STS: variants seen among roughly 807,000 people sequenced by gnomAD.
The protein encoded by STS is steroid sulfatase.
In STS, 7 loss-of-function variants were observed where a neutral mutation model predicts 26.8. That is an observed-to-expected ratio of 0.26 (90% CI 0.15 to 0.49). STS has a LOEUF of 0.49. Ranked by LOEUF, STS falls within the 20% of genes least tolerant of loss-of-function variation. STS has a pLI of 0.98. For missense variants in STS, 434 were observed against 465.6 expected (o/e 0.93, Z 0.63); for synonymous variants, 199 against 189.4 (o/e 1.05, Z -0.42).
intron 7 of STS, among the ~76,000 whole-genome samples, chrX:7,301,499 A>G (rs1457595647): frequency 9.0e-6 from 1 of 111,705 alleles, no homozygotes; most frequent in Middle Eastern, 4.7e-3. Flanking sequence ...TAGTTTCCTT[A>G]TTATATATAT....
chrX:7,268,975 C>A (rs1284997868), intron 6 of STS, among the ~76,000 whole-genome samples: 2 of 108,435 alleles, frequency 1.8e-5, no homozygotes, highest in Non-Finnish European at 3.8e-5. Flanking sequence ...ATAGTGAGAC[C>A]CTGTCTCTAC....
At chrX:7,281,876 A>G (rs5934907) in intron 7 of STS, among the ~76,000 whole-genome samples, 39,323 of 111,337 alleles carry the variant, frequency 0.35, 5,128 homozygotes, top group East Asian at 0.4. Context: ...ACCCCTCTGT[A>G]TATAGGTTCA....
chrX:7,186,709 A>G lies in STS; in HGVS notation c.-133-4171A>G, dbSNP rs1055148323. ...AGTTTCTCTAGGATTATAGCTTAGT[A>G]GCAAGGTGGGCTATTTGATCAGCAA... On this transcript the variant is annotated intron_variant, in intron 1 of 10. Transcript: ENST00000674429. 3.0e-4 allele frequency among the ~76,000 whole-genome samples: 34 copies of G among 112,465 alleles called. 1 individual carries two copies. Among genetic ancestry groups the G allele is most frequent in the Non-Finnish European group, 4.7e-4 (25 of 53,314 alleles).
At chrX:7,154,445 C>T (rs1469588705) in intron 1 of STS, among the ~76,000 whole-genome samples, 2 of 112,385 alleles carry the variant, frequency 1.8e-5, no homozygotes, top group African/African-American at 6.5e-5. Flanking sequence ...GTTGTAATAG[C>T]CACCAGCCCT....
intron 2 of STS, among the ~76,000 whole-genome samples, chrX:7,236,490 C>G (rs1206952225): frequency 4.5e-5 from 5 of 112,196 alleles, no homozygotes; most frequent in Non-Finnish European, 9.4e-5. Context: ...AAAGGTCGTT[C>G]TGTTTTGGGC....
intron 7 of STS, among the ~76,000 whole-genome samples, chrX:7,280,737 C>G (rs1265510752): frequency 8.9e-6 from 1 of 112,333 alleles, no homozygotes; most frequent in African/African-American, 3.2e-5. Context: ...ATGCAATCAG[C>G]ATTCACTCAG....
intron 1 of STS, among the ~76,000 whole-genome samples, chrX:7,167,854 A>G (rs1245752535): frequency 9.6e-6 from 1 of 104,119 alleles, no homozygotes; most frequent in Non-Finnish European, 2.0e-5. Flanking sequence ...TGCCTGGCTA[A>G]TTTTTTTTTT....
Position 7,350,332 on chromosome X carries a change from G to T in STS, c.*71G>T. The T allele has an allele frequency of 1.8e-6, 2 of 1,132,720 alleles. No individual in the cohort carries two copies. Among genetic ancestry groups the T allele is most frequent in the East Asian group, 3.2e-5 (1 of 31,208 alleles). 93.3% of individuals were successfully genotyped at this position (1,132,720 alleles called of 1,213,427 possible). On this transcript the variant is annotated 3_prime_UTR_variant, in exon 11 of 11. Coordinates refer to ENST00000674429, the MANE Select transcript of STS (RefSeq NM_001320752.2). ...TTCACTACAAACACGCCTGAGAGTG[G>T]CACTGGGGAAACATAACTCCATCTA...
At chrX:7,337,950 C>T (rs1308853059) in intron 10 of STS, among the ~76,000 whole-genome samples, 6 of 111,829 alleles carry the variant, frequency 5.4e-5, no homozygotes, top group Non-Finnish European at 1.1e-4. Flanking sequence ...ATTTCATTTC[C>T]ACCCTTTTAA....
At chrX:7,337,273 C>T (rs1250414915) in intron 10 of STS, among the ~76,000 whole-genome samples, 1 of 112,149 alleles carries the variant, frequency 8.9e-6, no homozygotes, top group Admixed American at 9.5e-5. Flanking sequence ...AACATATCGT[C>T]TTAGCGCTGG....
chrX:7,231,345 C>A (rs768648902), intron 2 of STS, among the ~76,000 whole-genome samples: 1 of 111,978 alleles, frequency 8.9e-6, no homozygotes, highest in Admixed American at 9.5e-5. Flanking sequence ...GTGCTTTAAA[C>A]GGTGAAGTTG....
chrX:7,277,532 A>G (rs1266479607), intron 7 of STS, among the ~76,000 whole-genome samples: 1 of 111,861 alleles, frequency 8.9e-6, no homozygotes, highest in Non-Finnish European at 1.9e-5. Context: ...TCCAGCTTCT[A>G]GATGCTTCTT....
chrX:7,247,889 G>A (rs1383071942), intron 2 of STS, among the ~76,000 whole-genome samples: 2 of 111,999 alleles, frequency 1.8e-5, no homozygotes, highest in African/African-American at 6.5e-5. Context: ...TGCAATTCAT[G>A]ACCTGTAATG....
intron 2 of STS, among the ~76,000 whole-genome samples, chrX:7,240,527 GTGTGTGTATATA>G (rs1475565158): frequency 2.8e-5 from 1 of 35,364 alleles, no homozygotes; most frequent in Non-Finnish European, 5.8e-5. Flanking sequence ...GTGTGTGTGT[GTGTGTGTATATA>G]TATATATATA....
intron 6 of STS, among the ~76,000 whole-genome samples, chrX:7,264,937 A>G (rs1423712927): frequency 9.0e-6 from 1 of 110,868 alleles, no homozygotes; most frequent in African/African-American, 3.3e-5. Context: ...GTGCACATAG[A>G]TATGTGATTA....
intron 8 of STS, 132 bp from the exon 9 acceptor site, chrX:7,325,207 A>C: frequency 1.5e-6 from 1 of 655,390 alleles, no homozygotes; most frequent in South Asian, 2.4e-5. Context: ...TGCTCATGGA[A>C]TACTCATAGA....
intron 2 of STS, among the ~76,000 whole-genome samples, chrX:7,223,885 A>G (rs1303959229): frequency 9.0e-6 from 1 of 111,499 alleles, no homozygotes; most frequent in East Asian, 2.8e-4. Flanking sequence ...CATAGACTAC[A>G]TAGACATTCA....
chrX:7,279,288 A>AT (rs1924692749), intron 7 of STS, among the ~76,000 whole-genome samples: 1 of 64,410 alleles, frequency 1.6e-5, no homozygotes, highest in African/African-American at 6.5e-5. Flanking sequence ...AGAAAAAAAA[A>AT]AAAAATATAT....
intron 2 of STS, among the ~76,000 whole-genome samples, chrX:7,206,041 G>C (rs1421181971): frequency 9.0e-6 from 1 of 111,570 alleles, no homozygotes; most frequent in Non-Finnish European, 1.9e-5. Flanking sequence ...ATGCACTTAG[G>C]ATTTTGTCTT....
Sources: allele counts gnomAD v4.1 joint callset (sites outside exome capture counted in the v4.1 genomes callset), GRCh38; gene constraint gnomAD v4.1.1; transcripts MANE v1.5; gene names NCBI Gene and HGNC (gene_info 2026-07-23, HGNC 2026-07-21).